Variants in PRICKLE1 observed in about 807,000 individuals in gnomAD.
The protein encoded by PRICKLE1 is prickle-like protein 1.
Under a neutral mutation model 70.2 loss-of-function variants are expected in PRICKLE1, and 14 were observed. The ratio of observed to expected loss-of-function variants is 0.20; its 90% CI spans 0.13 to 0.31. The LOEUF is 0.31. Ranked by LOEUF, PRICKLE1 falls within the 10% of genes least tolerant of loss-of-function variation. The pLI, the probability that PRICKLE1 is intolerant of heterozygous loss-of-function variation, is 1.00. For synonymous variants in PRICKLE1, 357 were observed against 379.9 expected, an observed-to-expected ratio of 0.94 and a Z score of 0.70; for missense variants, 821 against 1,026.2, an observed-to-expected ratio of 0.80 and a Z score of 2.73.
intron 1 of PRICKLE1, among the ~76,000 whole-genome samples, chr12:42,493,154 T>C (rs1188924679): frequency 6.6e-6 from 1 of 152,210 alleles, no homozygotes; most frequent in African/African-American, 2.4e-5. Flanking sequence ...ATGAGACCTA[T>C]TATTTAATAG....
At chr12:42,507,757 T>A (rs911187416) in intron 1 of PRICKLE1, among the ~76,000 whole-genome samples, 1 of 152,342 alleles carries the variant, frequency 6.6e-6, no homozygotes, top group East Asian at 1.9e-4. Flanking sequence ...CTGTGTTGAT[T>A]TAATGCAGAG....
chr12:42,471,829 C>A (rs1593115486), intron 2 of PRICKLE1, among the ~76,000 whole-genome samples: 1 of 152,142 alleles, frequency 6.6e-6, no homozygotes, highest in Non-Finnish European at 1.5e-5. Context: ...ACAATACAAA[C>A]AAAGCATAAA....
At chr12:42,485,593 C>A (rs1938973136) in intron 1 of PRICKLE1, 1 of 152,120 alleles carries the variant, frequency 6.6e-6, no homozygotes, top group African/African-American at 2.4e-5. Flanking sequence ...CAGCTACCTA[C>A]CTATAGGAGA....
At chr12:42,585,796 C>A (rs150109765) in intron 1 of PRICKLE1, among the ~76,000 whole-genome samples, 17 of 152,264 alleles carry the variant, frequency 1.1e-4, no homozygotes, top group African/African-American at 4.1e-4. Flanking sequence ...TTCAGTTCAG[C>A]ATGACCATAA....
At chr12:42,483,145 C>T (rs926846832) in intron 1 of PRICKLE1, 8 of 152,894 alleles carry the variant, frequency 5.2e-5, no homozygotes, top group African/African-American at 1.4e-4. Context: ...TCGAATTCCC[C>T]GTTACCCTCC....
chr12:42,512,115 C>A (rs950995617), intron 1 of PRICKLE1, among the ~76,000 whole-genome samples: 4 of 106,006 alleles, frequency 3.8e-5, no homozygotes, highest in Non-Finnish European at 9.2e-5. Flanking sequence ...AAAGGATGGT[C>A]CCATTACAAA....
chr12:42,528,433 C>T (rs768860403), intron 1 of PRICKLE1, among the ~76,000 whole-genome samples: 6 of 152,058 alleles, frequency 3.9e-5, no homozygotes, highest in South Asian at 2.1e-4. Context: ...TAAATAAAAT[C>T]GTGTTTAAGG....
At chr12:42,520,331 A>G (rs1197527929) in intron 1 of PRICKLE1, among the ~76,000 whole-genome samples, 1 of 152,246 alleles carries the variant, frequency 6.6e-6, no homozygotes, top group Non-Finnish European at 1.5e-5. Flanking sequence ...GTGGTGGTCA[A>G]TGCAAATGAG....
intron 1 of PRICKLE1, among the ~76,000 whole-genome samples, chr12:42,500,201 A>G (rs1169101429): frequency 6.6e-6 from 1 of 152,098 alleles, no homozygotes; most frequent in Non-Finnish European, 1.5e-5. Context: ...AACATAGGGG[A>G]CCCTCCAACA....
At position 42,560,103 on chromosome 12, in the gene PRICKLE1, AATTATTATTATTATTATTATTATTATT is replaced by A. The variant is rs35742688; in HGVS notation, c.-49+29335_-49+29361del. ...CACAGATAATTGGGAAATCTCCTTT[AATTATTATTATTATTATTATTATTATT>A]ATTATTATTATTATTATTATTTTTG... On this transcript the variant is annotated intron_variant, in intron 1 of 7. Coordinates refer to ENST00000345127, the MANE Select transcript of PRICKLE1 (RefSeq NM_153026.3). Among the ~76,000 whole-genome samples the A allele has an allele frequency of 3.7e-3, 514 of 139,890 alleles. 11 individuals are homozygous for A. Among genetic ancestry groups the A allele is most frequent in the East Asian group, 0.036 (168 of 4,630 alleles). The allele number at this position is 139,890 out of a possible 152,430, so 91.8% of individuals were successfully genotyped here.
chr12:42,464,530 G>T lies in PRICKLE1; in HGVS notation c.1504C>A (p.Leu502Met), dbSNP rs1203294388. 1 of 1,613,830 alleles carries T rather than the reference G, an allele frequency of 6.2e-7. No individual in the cohort carries two copies. Among genetic ancestry groups the T allele is most frequent in the Non-Finnish European group, 8.5e-7 (1 of 1,180,030 alleles). ...ASSRRLQELE[L>M]DHGASGYNHD... is the part of the protein sequence containing the mutation. ...TTATACCCTGAAGCCCCATGGTCCA[G>T]TTCCAATTCCTGAAGCCTTCTACTG... Residue 502 changes from leucine (L) to methionine (M), a missense_variant, in exon 7 of 8, where the codon CTG (leucine) becomes ATG (methionine). Leu to Met is a conservative substitution (Grantham distance 15). Transcript: ENST00000345127. The surrounding 1 kb of genome is among the most constrained non-coding windows in gnomAD (Gnocchi z 4.2).
intron 1 of PRICKLE1, among the ~76,000 whole-genome samples, chr12:42,521,946 GTGTGTGTGTGTGTGTGTGTGTGTGTT>G (rs1939715868): frequency 1.8e-5 from 1 of 57,124 alleles, no homozygotes; most frequent in Admixed American, 1.9e-4. Context: ...GTGTGTGTGT[GTGTGTGTGTGTGTGTGTGTGTGTGTT>G]TAACTTCTTT....
In PRICKLE1 at chr12:42,531,483, T is replaced by C. The variant is rs532288214; in HGVS notation, c.-49+57982A>G. On this transcript the variant is annotated intron_variant, in intron 1 of 7. Coordinates refer to ENST00000345127, the MANE Select transcript of PRICKLE1 (RefSeq NM_153026.3). Reference sequence around the variant, plus strand: ...CTCCTTTGCCTACACCTTTCCTCCATCGTAGTATTACAAAGATAATTCAGA... The same window carrying C: ...CTCCTTTGCCTACACCTTTCCTCCACCGTAGTATTACAAAGATAATTCAGA... 2.0e-5 allele frequency among the ~76,000 whole-genome samples: 3 copies of C among 152,330 alleles called. No homozygotes were observed. The South Asian group carries it at 6.2e-4, about 32-fold the overall frequency.
chr12:42,518,274 A>T (rs1206346668), intron 1 of PRICKLE1, among the ~76,000 whole-genome samples: 2 of 152,026 alleles, frequency 1.3e-5, no homozygotes. Context: ...GAACTCCTGG[A>T]CTCAAGCAAT....
At chr12:42,518,634 C>A (rs1486797892) in intron 1 of PRICKLE1, among the ~76,000 whole-genome samples, 1 of 152,152 alleles carries the variant, frequency 6.6e-6, no homozygotes, top group Non-Finnish European at 1.5e-5. Flanking sequence ...TGTCTTCCAA[C>A]CTTAAAACTA....
chr12:42,557,412 C>T (rs1310658239), intron 1 of PRICKLE1, among the ~76,000 whole-genome samples: 1 of 152,144 alleles, frequency 6.6e-6, no homozygotes, highest in Non-Finnish European at 1.5e-5. Flanking sequence ...ATTTCACATT[C>T]TAAATAACTT....
In PRICKLE1 at chr12:42,475,464, C is replaced by A. The variant is rs144761030; in HGVS notation, c.-48-2900G>T. On this transcript the variant is annotated intron_variant, in intron 1 of 7. Coordinates refer to ENST00000345127, the MANE Select transcript of PRICKLE1 (RefSeq NM_153026.3). ...CAAGGTCAGTAAGTGGTCTTAGGAC[C>A]GGTCTTGGCTGTGATCCTAAACCCC... Among the ~76,000 whole-genome samples the A allele has an allele frequency of 1.7e-3, 259 of 152,232 alleles. 3 individuals are homozygous for A. The highest frequency in any genetic ancestry group is 5.8e-3 in the African/African-American group (240 of 41,530).
In PRICKLE1 at chr12:42,575,966, C is replaced by A. The variant is rs563861324; in HGVS notation, c.-49+13499G>T. On this transcript the variant is annotated intron_variant, in intron 1 of 7. Coordinates refer to ENST00000345127, the MANE Select transcript of PRICKLE1 (RefSeq NM_153026.3). ...TATCCAGCACATTTCTCTATTCCTG[C>A]CTTTACAACAACATATTGCCAGTAA... Among the ~76,000 whole-genome samples, 3 of 152,296 alleles carry A rather than the reference C, an allele frequency of 2.0e-5. No individual in the cohort carries two copies. The South Asian group carries it at 6.2e-4, about 32-fold the overall frequency.
intron 1 of PRICKLE1, among the ~76,000 whole-genome samples, chr12:42,548,040 TTTTG>T (rs1322528060): frequency 2.0e-5 from 3 of 152,106 alleles, no homozygotes; most frequent in Non-Finnish European, 2.9e-5. Flanking sequence ...AGTTTTTAAA[TTTTG>T]TTTGTTTGTT....
Sources: allele counts gnomAD v4.1 joint callset (sites outside exome capture counted in the v4.1 genomes callset), GRCh38; gene constraint gnomAD v4.1.1; non-coding constraint Gnocchi (gnomAD v3.1); transcripts MANE v1.5; gene names NCBI Gene and HGNC (gene_info 2026-07-23, HGNC 2026-07-21).